Variants in RIPK4 observed in about 807,000 individuals in gnomAD.
The protein encoded by RIPK4 is receptor interacting serine/threonine kinase 4.
In RIPK4, 17 loss-of-function variants were observed where a neutral mutation model predicts 42.9. That is an observed-to-expected ratio of 0.40 (90% CI 0.27 to 0.59). The LOEUF is 0.59. RIPK4 is among the 20% of genes least tolerant of loss of function. RIPK4 has a pLI of 0.47. For missense variants in RIPK4, 897 were observed against 1,104.4 expected, an observed-to-expected ratio of 0.81 and a Z score of 2.66; for synonymous variants, 498 against 499.1, an observed-to-expected ratio of 1.00 and a Z score of 0.03.
intron 2 of RIPK4, among the ~76,000 whole-genome samples, chr21:41,752,782 A>G (rs1601680351): frequency 6.6e-6 from 1 of 152,160 alleles, no homozygotes; most frequent in Non-Finnish European, 1.5e-5. Flanking sequence ...ATGAGAACAC[A>G]TGGACAGAGG....
intron 5 of RIPK4, 83 bp from the exon 6 acceptor site, chr21:41,745,945 G>A (rs781619754): frequency 9.8e-6 from 11 of 1,118,352 alleles, no homozygotes; most frequent in Non-Finnish European, 1.5e-5. Context: ...GGGCCCCCAC[G>A]AGCTGGGGGA....
intron 1 of RIPK4, among the ~76,000 whole-genome samples, chr21:41,762,584 G>A (rs1022936793): frequency 2.0e-5 from 3 of 152,234 alleles, no homozygotes; most frequent in East Asian, 3.8e-4. Context: ...TTTGCAACAA[G>A]CTGCAAGAAG....
intron 1 of RIPK4, among the ~76,000 whole-genome samples, chr21:41,759,137 T>C (rs2061213503): frequency 6.6e-6 from 1 of 152,116 alleles, no homozygotes. Flanking sequence ...CTCGCTCTGT[T>C]GCCCAGGCTG....
chr21:41,765,616 C>T (rs1022242649), intron 1 of RIPK4, among the ~76,000 whole-genome samples: 2 of 152,214 alleles, frequency 1.3e-5, no homozygotes, highest in Non-Finnish European at 1.5e-5. Context: ...GGCATCACAA[C>T]GATTCTGCAG....
rs145580948 is a variant in RIPK4 at position 41,741,437 on chromosome 21, C to T, written c.1756G>A (p.Val586Ile). Residue 586 changes from valine (V) to isoleucine (I), a missense_variant, in exon 8 of 8, where the codon GTC (valine) becomes ATC (isoleucine). By Grantham distance (29) the Val-to-Ile change is conservative. Coordinates refer to ENST00000332512, the MANE Select transcript of RIPK4 (RefSeq NM_020639.3). ...YAAWQGHLPI[V>I]KLLAKQPGVS... ...CCCGGCTGCTTGGCCAGCAGCTTGA[C>T]GATGGGCAGGTGGCCCTGCCAGGCA... is the stretch of plus-strand genomic sequence containing the variant. 179 of 1,612,766 alleles carry T rather than the reference C, an allele frequency of 1.1e-4. 1 individual carries two copies. The highest frequency in any genetic ancestry group is 4.0e-4 in the South Asian group (36 of 91,092).
rs34366846 is a variant in RIPK4 at position 41,745,664 on chromosome 21, T to C, written c.936+95A>G. On this transcript the variant is annotated intron_variant, in intron 6 of 7. Coordinates refer to ENST00000332512, the MANE Select transcript of RIPK4 (RefSeq NM_020639.3). The stretch of plus-strand genomic sequence containing the variant: ...TGGGCTCAGAAGAGAGGGAGAGTGG[T>C]CCGGGCGGCGGGGGACTCTGCAAAG... The C allele has an allele frequency of 0.17, 148,984 of 862,584 alleles. 14,664 individuals carry two copies. The highest frequency in any genetic ancestry group is 0.25 in the South Asian group (16,533 of 65,930). The allele number at this position is 862,584 out of a possible 1,614,324, so 53.4% of individuals were successfully genotyped here.
intron 3 of RIPK4, among the ~76,000 whole-genome samples, chr21:41,750,492 G>T (rs994474294): frequency 6.6e-6 from 1 of 152,106 alleles, no homozygotes; most frequent in Non-Finnish European, 1.5e-5. Context: ...AAAGCAGCAG[G>T]TTCTTCCAAC....
chr21:41,745,550 A>G (rs1317893847), intron 6 of RIPK4, among the ~76,000 whole-genome samples: 2 of 152,196 alleles, frequency 1.3e-5, no homozygotes, highest in Non-Finnish European at 2.9e-5. Flanking sequence ...CTCACGCAGA[A>G]TCAGACAGGA....
In RIPK4 at chr21:41,755,778, CAT is replaced by C. The variant is rs1316808422; in HGVS notation, c.474+745_474+746del. The stretch of plus-strand genomic sequence containing the variant: ...TACAACGCGCCAGGTGTAACCACCA[CAT>C]GTCAACGACAGTACAACCCTAGCCA... On this transcript the variant is annotated intron_variant, in intron 2 of 7. Coordinates refer to ENST00000332512, the MANE Select transcript of RIPK4 (RefSeq NM_020639.3). The surrounding 1 kb of genome is among the most constrained non-coding windows in gnomAD (Gnocchi z 4.2). Among the ~76,000 whole-genome samples, 12 of 152,220 alleles carry C rather than the reference CAT, an allele frequency of 7.9e-5. No individual in the cohort carries two copies. In the South Asian group the frequency reaches 1.9e-3, roughly 24 times the overall value.
intron 7 of RIPK4, among the ~76,000 whole-genome samples, chr21:41,743,626 C>G (rs2061161212): frequency 6.6e-6 from 1 of 152,228 alleles, no homozygotes; most frequent in Admixed American, 6.5e-5. Flanking sequence ...GGTCAGCCTC[C>G]ACCCATGGCA....
intron 1 of RIPK4, among the ~76,000 whole-genome samples, chr21:41,763,551 A>G (rs946082748): frequency 2.0e-5 from 3 of 152,230 alleles, no homozygotes; most frequent in African/African-American, 7.2e-5. Context: ...CGCTCAGGTA[A>G]CAAAGAGCTC....
At chr21:41,754,593 G>A (rs567138055) in intron 2 of RIPK4, among the ~76,000 whole-genome samples, 7 of 152,286 alleles carry the variant, frequency 4.6e-5, no homozygotes, top group Admixed American at 1.3e-4. Context: ...GCTGCCTGCT[G>A]CCCCTGCAGG....
chr21:41,743,197 C>T (rs2061159930), intron 7 of RIPK4, among the ~76,000 whole-genome samples: 1 of 152,060 alleles, frequency 6.6e-6, no homozygotes, highest in Non-Finnish European at 1.5e-5. Context: ...GAGCTGCAGC[C>T]CCTTCAGGAA....
At chr21:41,746,528 G>T in intron 5 of RIPK4, 85 bp downstream of exon 5, 1 of 1,508,758 alleles carries the variant, frequency 6.6e-7, no homozygotes. Context: ...TCTCACCCAG[G>T]CCTGGTCCCT....
At chr21:41,762,719 C>T (rs1015595215) in intron 1 of RIPK4, among the ~76,000 whole-genome samples, 1 of 152,088 alleles carries the variant, frequency 6.6e-6, no homozygotes, top group African/African-American at 2.4e-5. Context: ...AGCAGTGTTT[C>T]TGGCTTATTT....
At chr21:41,754,942 G>T (rs894826639) in intron 2 of RIPK4, among the ~76,000 whole-genome samples, 6 of 152,212 alleles carry the variant, frequency 3.9e-5, no homozygotes, top group African/African-American at 1.4e-4. Context: ...GAGAACCAGA[G>T]GCCACCGTCC....
rs545636567 is a variant in RIPK4, at chr21:41,742,153, G to A, written c.1196-156C>T. ...TGTGTTTGAGCGTTGTCTGTGCCTCGTGATTAAGGTCAGTCCTAGCGGGAG... is the reference window on the plus strand; with the variant it reads ...TGTGTTTGAGCGTTGTCTGTGCCTCATGATTAAGGTCAGTCCTAGCGGGAG... On this transcript the variant is annotated intron_variant, in intron 7 of 7. Coordinates refer to ENST00000332512, the MANE Select transcript of RIPK4 (RefSeq NM_020639.3). The surrounding 1 kb of genome is among the most constrained non-coding windows in gnomAD (Gnocchi z 5.1). Among the ~76,000 whole-genome samples the A allele has an allele frequency of 1.3e-5, 2 of 152,294 alleles. No homozygotes were observed. The highest frequency in any genetic ancestry group is 2.1e-4 in the South Asian group (1 of 4,828).
chr21:41,757,531 A>C (rs960188530), intron 1 of RIPK4, among the ~76,000 whole-genome samples: 3 of 151,764 alleles, frequency 2.0e-5, no homozygotes, highest in African/African-American at 4.8e-5. Context: ...CAAAAAAAAA[A>C]AAAAAAAGTT....
chr21:41,741,765 G>A lies in RIPK4; in HGVS notation c.1428C>T (p.His476=), dbSNP rs755802508. The change falls in exon 8 of 8, where the codon CAC becomes CAT. Residue 476 remains histidine (H), a synonymous_variant. Transcript: ENST00000332512. The part of the protein sequence containing the change: ...LSNRRGSTPL[H]MAVERRVRGV... ...CCCGCACCCTCCTCTCCACGGCCAT[G>A]TGCAACGGGGTGGAGCCCCTACGGT... is the stretch of plus-strand genomic sequence containing the variant. The A allele has an allele frequency of 6.2e-7, 1 of 1,611,694 alleles. No individual in the cohort carries two copies. Among genetic ancestry groups the A allele is most frequent in the South Asian group, 1.1e-5 (1 of 91,082 alleles).
Sources: gnomAD v4.1 joint callset for allele counts (sites outside exome capture counted in the v4.1 genomes callset) on GRCh38, gnomAD v4.1.1 for gene constraint, Gnocchi (gnomAD v3.1) non-coding constraint, MANE v1.5 for transcripts, NCBI Gene and HGNC (gene_info 2026-07-23, HGNC 2026-07-21) for gene names.